Variants in SLC24A2 observed in about 807,000 individuals in gnomAD.
SLC24A2 encodes sodium/potassium/calcium exchanger 2.
Under a neutral mutation model 62.0 loss-of-function variants are expected in SLC24A2, and 36 were observed. The observed-to-expected ratio is 0.58, with a 90% CI of 0.44 to 0.77. The LOEUF (loss-of-function observed/expected upper bound fraction) is 0.77, where lower values mean the gene tolerates loss of function less well. Ranked by LOEUF, SLC24A2 falls within the 30% of genes least tolerant of loss-of-function variation. The pLI is 0.00. For synonymous variants in SLC24A2, 358 were observed against 294.0 expected, an observed-to-expected ratio of 1.22 and a Z score of -2.23; for missense variants, 846 against 817.9, an observed-to-expected ratio of 1.03 and a Z score of -0.42.
chr9:19,542,272 G>C (rs1376257942), intron 8 of SLC24A2, among the ~76,000 whole-genome samples: 1 of 152,228 alleles, frequency 6.6e-6, no homozygotes, highest in Non-Finnish European at 1.5e-5. Context: ...GAATGCTTGT[G>C]ATTTTTTGCA....
intron 2 of SLC24A2, among the ~76,000 whole-genome samples, chr9:19,722,533 T>C (rs1325328731): frequency 6.6e-6 from 1 of 152,046 alleles, no homozygotes; most frequent in Non-Finnish European, 1.5e-5. Context: ...GCAGGATAAG[T>C]CAAGATAATC....
At chr9:20,036,888 G>A in the SLC24A2 span, among the ~76,000 whole-genome samples, 1 of 146,796 alleles carries the variant, frequency 6.8e-6, no homozygotes, top group African/African-American at 2.6e-5. Context: ...GTGTGTGTGT[G>A]TGCGTATATA....
chr9:19,774,787 C>G (rs1822796051), intron 2 of SLC24A2, among the ~76,000 whole-genome samples: 2 of 152,188 alleles, frequency 1.3e-5, no homozygotes, highest in African/African-American at 4.8e-5. Context: ...CATTACTCCT[C>G]CAAAGGAAGC....
At chr9:19,693,190 CAT>C (rs1820091642) in intron 2 of SLC24A2, among the ~76,000 whole-genome samples, 1 of 152,090 alleles carries the variant, frequency 6.6e-6, no homozygotes, top group Non-Finnish European at 1.5e-5. Flanking sequence ...TGTTGGTGTG[CAT>C]ATACCCAAAG....
chr9:19,905,305 G>C, the SLC24A2 span, among the ~76,000 whole-genome samples: 3 of 152,100 alleles, frequency 2.0e-5, no homozygotes, highest in Non-Finnish European at 2.9e-5. Context: ...CCTGTAAATA[G>C]CTATATTAAT....
intron 2 of SLC24A2, among the ~76,000 whole-genome samples, chr9:19,652,851 T>A (rs1818839141): frequency 6.6e-6 from 1 of 152,194 alleles, no homozygotes; most frequent in Non-Finnish European, 1.5e-5. Context: ...ATTCAGTTCA[T>A]TTAACCAATA....
chr9:20,180,868 C>G, the SLC24A2 span, among the ~76,000 whole-genome samples: 1 of 152,144 alleles, frequency 6.6e-6, no homozygotes, highest in Non-Finnish European at 1.5e-5. Context: ...CATAGCTTGC[C>G]ACTAAAAGTG....
chr9:19,541,914 C>A (rs1380651801), intron 8 of SLC24A2, among the ~76,000 whole-genome samples: 1 of 152,120 alleles, frequency 6.6e-6, no homozygotes, highest in Non-Finnish European at 1.5e-5. Flanking sequence ...CCTGGTGCGC[C>A]GTTTTTCAAG....
chr9:19,706,264 T>A (rs929548497), intron 2 of SLC24A2, among the ~76,000 whole-genome samples: 7 of 152,038 alleles, frequency 4.6e-5, no homozygotes, highest in Non-Finnish European at 7.4e-5. Flanking sequence ...ACCCCTGCCT[T>A]TTTTTGTTTT....
chr9:20,207,882 G>C, the SLC24A2 span, among the ~76,000 whole-genome samples: 1 of 152,170 alleles, frequency 6.6e-6, no homozygotes, highest in African/African-American at 2.4e-5. Context: ...ACATGCACAA[G>C]TTTCTACAGA....
the SLC24A2 span, among the ~76,000 whole-genome samples, chr9:20,182,751 G>C: frequency 6.6e-6 from 1 of 152,144 alleles, no homozygotes; most frequent in African/African-American, 2.4e-5. Context: ...CCTACACGTT[G>C]TGCACATGTA....
At chr9:19,836,404 C>T in the SLC24A2 span, among the ~76,000 whole-genome samples, 1,428 of 152,104 alleles carry the variant, frequency 9.4e-3, 20 homozygotes, top group African/African-American at 0.032. Flanking sequence ...ATACCACCAC[C>T]GATCCCACAG....
intron 2 of SLC24A2, among the ~76,000 whole-genome samples, chr9:19,636,279 T>TTC (rs200792136): frequency 0.55 from 29,640 of 54,056 alleles, 7,055 homozygotes; most frequent in East Asian, 0.62. Flanking sequence ...TCTTCTTCTC[T>TTC]TCTTCTCTTC....
At chr9:19,961,140 G>GGAGA in the SLC24A2 span, among the ~76,000 whole-genome samples, 40 of 138,580 alleles carry the variant, frequency 2.9e-4, no homozygotes, top group South Asian at 6.6e-3. Flanking sequence ...AGAAGAAAGG[G>GGAGA]GAGAGAGAGA....
the SLC24A2 span, among the ~76,000 whole-genome samples, chr9:20,089,813 G>A: frequency 6.6e-6 from 1 of 151,632 alleles, no homozygotes; most frequent in African/African-American, 2.4e-5. Context: ...GCATACCACA[G>A]AACACCACAG....
At chr9:19,998,021 T>G in the SLC24A2 span, among the ~76,000 whole-genome samples, 1 of 152,192 alleles carries the variant, frequency 6.6e-6, no homozygotes, top group Non-Finnish European at 1.5e-5. Flanking sequence ...CTATTAAGGA[T>G]AAGCCATACA....
At chr9:19,656,881 C>G (rs551217726) in intron 2 of SLC24A2, among the ~76,000 whole-genome samples, 2 of 152,276 alleles carry the variant, frequency 1.3e-5, no homozygotes, top group East Asian at 3.9e-4. Context: ...GGAGCTGAAC[C>G]CCTTCCATTG....
At chr9:20,102,682 C>CA in the SLC24A2 span, among the ~76,000 whole-genome samples, 82 of 144,394 alleles carry the variant, frequency 5.7e-4, no homozygotes, top group South Asian at 1.3e-3. Flanking sequence ...AAGACATTTC[C>CA]AAAAAAAAAA....
intron 7 of SLC24A2, among the ~76,000 whole-genome samples, chr9:19,558,806 TCA>T (rs1835241124): frequency 6.6e-6 from 1 of 152,210 alleles, no homozygotes; most frequent in Non-Finnish European, 1.5e-5. Flanking sequence ...GAAAATACTC[TCA>T]CTGACAAAGG....
Sources: allele counts gnomAD v4.1 joint callset (sites outside exome capture counted in the v4.1 genomes callset), GRCh38; gene constraint gnomAD v4.1.1; transcripts MANE v1.5; gene names NCBI Gene and HGNC (gene_info 2026-07-23, HGNC 2026-07-21).